GRIK2: variants seen among roughly 807,000 people sequenced by gnomAD.
The protein encoded by GRIK2 is glutamate receptor ionotropic, kainate 2.
Under a neutral mutation model 100.3 loss-of-function variants are expected in GRIK2, and 32 were observed. That is an observed-to-expected ratio of 0.32 (90% CI 0.24 to 0.43). The LOEUF (loss-of-function observed/expected upper bound fraction) is 0.43, where lower values mean the gene tolerates loss of function less well. Among genes scored for constraint, GRIK2 ranks in the 20% least tolerant of loss-of-function variants. The pLI is 1.00. For missense variants in GRIK2, 843 were observed against 1,114.9 expected, an observed-to-expected ratio of 0.76 and a Z score of 3.47; for synonymous variants, 417 against 389.4, an observed-to-expected ratio of 1.07 and a Z score of -0.83.
chr6:101,476,569 T>C (rs560417276), intron 2 of GRIK2, among the ~76,000 whole-genome samples: 91 of 152,292 alleles, frequency 6.0e-4, no homozygotes, highest in African/African-American at 2.1e-3. Flanking sequence ...TGAATAATTA[T>C]AGTACCTACT....
chr6:101,858,386 C>CTTTTTTTT (rs780526806), intron 10 of GRIK2, among the ~76,000 whole-genome samples: 4 of 91,654 alleles, frequency 4.4e-5, no homozygotes, highest in Non-Finnish European at 4.6e-5. Flanking sequence ...ATTTTTTTTT[C>CTTTTTTTT]TTTTTTTTTT....
At chr6:101,806,623 A>AG (rs199806526) in intron 9 of GRIK2, among the ~76,000 whole-genome samples, 4 of 140,814 alleles carry the variant, frequency 2.8e-5, no homozygotes, top group African/African-American at 1.1e-4. Context: ...CTACCTACAG[A>AG]GGGTTTTTTT....
At chr6:101,553,440 C>T (rs1776603383) in intron 2 of GRIK2, among the ~76,000 whole-genome samples, 1 of 152,058 alleles carries the variant, frequency 6.6e-6, no homozygotes, top group Non-Finnish European at 1.5e-5. Context: ...CTGCTATAAC[C>T]TAACTTAAGA....
chr6:101,431,272 C>A, intron 2 of GRIK2: 1 of 158,404 alleles, frequency 6.3e-6, no homozygotes. Flanking sequence ...GTCAGGATGC[C>A]ATGCTTGCTC....
chr6:101,649,931 C>T (rs867915764), intron 4 of GRIK2, among the ~76,000 whole-genome samples: 28 of 152,144 alleles, frequency 1.8e-4, no homozygotes, highest in Middle Eastern at 6.8e-3. Flanking sequence ...CAAAGGAGAT[C>T]AGTAAAAGCC....
intron 2 of GRIK2, among the ~76,000 whole-genome samples, chr6:101,527,870 G>GT (rs1465481748): frequency 1.3e-5 from 2 of 152,094 alleles, no homozygotes; most frequent in African/African-American, 4.8e-5. Context: ...GGATGATTTT[G>GT]TTTTTTATTT....
At chr6:101,823,542 G>A (rs891031010) in intron 10 of GRIK2, among the ~76,000 whole-genome samples, 1 of 151,356 alleles carries the variant, frequency 6.6e-6, no homozygotes. Context: ...GTTTTTTTGT[G>A]TTTATCGTTA....
chr6:102,038,990 G>A (rs556244438), intron 15 of GRIK2, among the ~76,000 whole-genome samples: 1 of 151,400 alleles, frequency 6.6e-6, no homozygotes, highest in Admixed American at 6.6e-5. Context: ...AATATTATGA[G>A]TCTTTTTGAG....
At chr6:101,875,514 T>A (rs1312119210) in intron 11 of GRIK2, among the ~76,000 whole-genome samples, 1 of 151,892 alleles carries the variant, frequency 6.6e-6, no homozygotes, top group East Asian at 1.9e-4. Flanking sequence ...ATTTTTTTTT[T>A]ACAGAAATAA....
intron 2 of GRIK2, among the ~76,000 whole-genome samples, chr6:101,476,403 T>C (rs1772231282): frequency 6.6e-6 from 1 of 152,140 alleles, no homozygotes; most frequent in Non-Finnish European, 1.5e-5. Context: ...AGAAGCCAGC[T>C]CTTTAAGGAG....
At chr6:101,744,522 G>GTATATA (rs1562351557) in intron 7 of GRIK2, 6 of 50,338 alleles carry the variant, frequency 1.2e-4, no homozygotes, top group Admixed American at 2.5e-4. Flanking sequence ...GTGCGTGCGC[G>GTATATA]CATATATATA....
At chr6:101,594,248 G>A (rs1463354591) in intron 2 of GRIK2, among the ~76,000 whole-genome samples, 1 of 151,712 alleles carries the variant, frequency 6.6e-6, no homozygotes, top group East Asian at 1.9e-4. Context: ...TCTCAACATA[G>A]GAAAGTCAAT....
intron 14 of GRIK2, among the ~76,000 whole-genome samples, chr6:101,932,375 C>T (rs1235023902): frequency 6.6e-6 from 1 of 151,856 alleles, no homozygotes; most frequent in Non-Finnish European, 1.5e-5. Flanking sequence ...TCCTGTGTTG[C>T]ATTCTATACC....
At chr6:102,045,623 C>A (rs1371562856) in intron 15 of GRIK2, among the ~76,000 whole-genome samples, 1 of 151,724 alleles carries the variant, frequency 6.6e-6, no homozygotes, top group Non-Finnish European at 1.5e-5. Flanking sequence ...AAAGACATAC[C>A]TAATAAATAA....
chr6:101,679,400 T>C (rs1771079251), intron 5 of GRIK2, among the ~76,000 whole-genome samples: 1 of 152,216 alleles, frequency 6.6e-6, no homozygotes, highest in Non-Finnish European at 1.5e-5. Context: ...TTGGGGTTTC[T>C]AATAATATTT....
intron 14 of GRIK2, among the ~76,000 whole-genome samples, chr6:102,006,879 C>T (rs1795269826): frequency 6.6e-6 from 1 of 151,852 alleles, no homozygotes; most frequent in Non-Finnish European, 1.5e-5. Context: ...GTGTAACATA[C>T]ATTTGACAAA....
chr6:102,058,849 G>A (rs1771601866), intron 16 of GRIK2, among the ~76,000 whole-genome samples: 2 of 151,126 alleles, frequency 1.3e-5, no homozygotes, highest in Non-Finnish European at 1.5e-5. Context: ...CGAATGTATT[G>A]GTGACTAAAT....
chr6:101,523,091 G>A (rs1049197123), intron 2 of GRIK2, among the ~76,000 whole-genome samples: 8 of 151,508 alleles, frequency 5.3e-5, no homozygotes, highest in Non-Finnish European at 1.0e-4. Flanking sequence ...AATTATTAAT[G>A]TATGAATCAA....
chr6:102,004,303 T>G (rs2114275957), intron 14 of GRIK2, among the ~76,000 whole-genome samples: 1 of 146,996 alleles, frequency 6.8e-6, no homozygotes, highest in South Asian at 2.1e-4. Flanking sequence ...TTTTTTTTTT[T>G]GGAACCATTA....
Sources: allele counts gnomAD v4.1 joint callset (sites outside exome capture counted in the v4.1 genomes callset), GRCh38; gene constraint gnomAD v4.1.1; transcripts MANE v1.5; gene names NCBI Gene and HGNC (gene_info 2026-07-23, HGNC 2026-07-21).